The following TASP1 variants were observed in gnomAD, a reference collection of about 807,000 sequenced individuals.
TASP1 encodes the protein taspase 1, also known as threonine aspartase 1.
In TASP1, 16 loss-of-function variants were observed where a neutral mutation model predicts 56.6. That is an observed-to-expected ratio of 0.28 (90% CI 0.19 to 0.43). The LOEUF is 0.43. TASP1 is among the 20% of genes least tolerant of loss of function. TASP1 has a pLI of 1.00. For synonymous variants in TASP1, 179 were observed against 184.2 expected, an observed-to-expected ratio of 0.97 and a Z score of 0.23; for missense variants, 393 against 511.6, an observed-to-expected ratio of 0.77 and a Z score of 2.24.
chr20:13,429,772 G>A (rs1290671477), intron 12 of TASP1, among the ~76,000 whole-genome samples: 8 of 152,272 alleles, frequency 5.3e-5, no homozygotes, highest in South Asian at 2.1e-4. Flanking sequence ...TAGCTTAGAC[G>A]TATAGTAAAC....
intron 10 of TASP1, among the ~76,000 whole-genome samples, chr20:13,522,212 T>C (rs2044791080): frequency 6.6e-6 from 1 of 152,192 alleles, no homozygotes; most frequent in Non-Finnish European, 1.5e-5. Flanking sequence ...GGCTTTCCCA[T>C]TTATTAAGAT....
chr20:13,349,547 T>C, the TASP1 span, among the ~76,000 whole-genome samples: 22 of 152,104 alleles, frequency 1.4e-4, no homozygotes, highest in Non-Finnish European at 4.4e-5. Context: ...AGGATTTTAA[T>C]TCCGAAAGAA....
At chr20:13,638,786 CT>C (rs1195671523) in intron 1 of TASP1, 107 bp downstream of exon 1, 1 of 152,434 alleles carries the variant, frequency 6.6e-6, no homozygotes, top group Admixed American at 6.5e-5. Flanking sequence ...GCGCCGCCCC[CT>C]CTCGGACCCG....
intron 10 of TASP1, among the ~76,000 whole-genome samples, chr20:13,501,265 A>G (rs1443567722): frequency 6.6e-6 from 1 of 152,066 alleles, no homozygotes; most frequent in Non-Finnish European, 1.5e-5. Flanking sequence ...GAGAACCCTG[A>G]GCTCTTTCTT....
chr20:13,110,107 T>G, the TASP1 span: 1 of 1,597,296 alleles, frequency 6.3e-7, no homozygotes, highest in South Asian at 1.1e-5. Flanking sequence ...TGGTATTATT[T>G]AAAGACACAC....
At chr20:13,599,074 T>C (rs1568632709) in intron 4 of TASP1, among the ~76,000 whole-genome samples, 1 of 152,176 alleles carries the variant, frequency 6.6e-6, no homozygotes, top group African/African-American at 2.4e-5. Flanking sequence ...TTTTACACTG[T>C]TGGTGGGAGT....
intron 4 of TASP1, among the ~76,000 whole-genome samples, chr20:13,606,394 C>T (rs563796365): frequency 1.3e-5 from 2 of 152,222 alleles, no homozygotes; most frequent in African/African-American, 4.8e-5. Flanking sequence ...CCCAGCCATT[C>T]CCAACATTCT....
intron 1 of TASP1, among the ~76,000 whole-genome samples, chr20:13,637,179 T>G (rs565896505): frequency 6.6e-6 from 1 of 152,118 alleles, no homozygotes; most frequent in Non-Finnish European, 1.5e-5. Context: ...GAAATGCAAA[T>G]CAACACTACA....
the TASP1 span, among the ~76,000 whole-genome samples, chr20:13,197,143 A>G: frequency 5.3e-5 from 8 of 152,294 alleles, no homozygotes; most frequent in African/African-American, 1.9e-4. Context: ...GGTGCAACAC[A>G]CAAAAGAAAC....
chr20:13,306,602 C>CAAAAA, the TASP1 span, among the ~76,000 whole-genome samples: 1 of 76,456 alleles, frequency 1.3e-5, no homozygotes, highest in African/African-American at 5.3e-5. Context: ...GAAAATAAAA[C>CAAAAA]AAAGACTTCC....
At chr20:13,131,185 T>C in the TASP1 span, among the ~76,000 whole-genome samples, 2 of 152,240 alleles carry the variant, frequency 1.3e-5, no homozygotes, top group Non-Finnish European at 2.9e-5. Context: ...CTTCGATGTA[T>C]ATTTTTCAAG....
chr20:13,298,311 T>C, the TASP1 span, among the ~76,000 whole-genome samples: 1 of 152,158 alleles, frequency 6.6e-6, no homozygotes, highest in East Asian at 1.9e-4. Context: ...TTCACCTTGT[T>C]GGCCAGGCTG....
intron 6 of TASP1, among the ~76,000 whole-genome samples, chr20:13,577,705 C>A (rs970718746): frequency 1.3e-5 from 2 of 152,134 alleles, no homozygotes; most frequent in South Asian, 2.1e-4. Context: ...ACCAAACAGG[C>A]GGGAACCTAG....
At chr20:13,330,140 G>A in the TASP1 span, among the ~76,000 whole-genome samples, 6 of 151,748 alleles carry the variant, frequency 4.0e-5, no homozygotes, top group African/African-American at 1.5e-4. Flanking sequence ...TATTTTTAAT[G>A]GAGATGGAGT....
At chr20:13,562,020 C>T (rs1489546836) in intron 7 of TASP1, among the ~76,000 whole-genome samples, 2 of 152,122 alleles carry the variant, frequency 1.3e-5, no homozygotes, top group Admixed American at 6.5e-5. Flanking sequence ...GACATTTTTC[C>T]AAAATGTCCC....
the TASP1 span, among the ~76,000 whole-genome samples, chr20:13,378,940 C>T: frequency 1.3e-5 from 2 of 152,152 alleles, no homozygotes; most frequent in Non-Finnish European, 2.9e-5. Context: ...AATATTCCTC[C>T]ATCCCTTTAT....
At chr20:13,240,637 C>G in the TASP1 span, among the ~76,000 whole-genome samples, 1 of 152,162 alleles carries the variant, frequency 6.6e-6, no homozygotes, top group Non-Finnish European at 1.5e-5. Flanking sequence ...GGTGAGGAAG[C>G]AGCCATTGAA....
In TASP1 at chr20:13,577,561, G is replaced by C. The variant is rs7266740; in HGVS notation, c.488+3336C>G. ...ATGAGAGTTGGATAAAATGAGGGTA[G>C]GGCCCTCATGATGTTATTAGTGTCT... On this transcript the variant is annotated intron_variant, in intron 6 of 13. Transcript: ENST00000337743. Among the ~76,000 whole-genome samples the C allele has an allele frequency of 5.2e-3, 786 of 152,184 alleles. 5 individuals carry two copies. The highest frequency in any genetic ancestry group is 0.016 in the African/African-American group (644 of 41,516).
the TASP1 span, among the ~76,000 whole-genome samples, chr20:13,362,512 C>T: frequency 2.2e-5 from 3 of 137,108 alleles, no homozygotes; most frequent in East Asian, 4.0e-4. Context: ...CACCTGAGAA[C>T]AAATCCCCTT....
Sources: gnomAD v4.1 joint callset for allele counts (sites outside exome capture counted in the v4.1 genomes callset) on GRCh38, gnomAD v4.1.1 for gene constraint, MANE v1.5 for transcripts, NCBI Gene and HGNC (gene_info 2026-07-23, HGNC 2026-07-21) for gene names.